The following BRINP3 variants were observed in gnomAD, a reference collection of about 807,000 sequenced individuals.
BRINP3 encodes BMP/retinoic acid inducible neural specific 3.
A neutral mutation model predicts 71.0 loss-of-function variants in BRINP3; 19 were observed. The ratio of observed to expected loss-of-function variants is 0.27; its 90% CI spans 0.19 to 0.39. The LOEUF (loss-of-function observed/expected upper bound fraction) is 0.39. BRINP3 is among the 10% of genes least tolerant of loss of function. BRINP3 has a pLI of 1.00. For synonymous variants in BRINP3, 380 were observed against 337.7 expected (o/e 1.13, Z -1.37); for missense variants, 959 against 940.8 (o/e 1.02, Z -0.25).
At chr1:190,298,403 T>G (rs1219770296) in intron 2 of BRINP3, among the ~76,000 whole-genome samples, 1 of 152,092 alleles carries the variant, frequency 6.6e-6, no homozygotes, top group African/African-American at 2.4e-5. Flanking sequence ...TTAAAGATCT[T>G]TGAGGAGGGA....
chr1:190,105,339 T>G (rs1652059984), intron 7 of BRINP3, among the ~76,000 whole-genome samples: 1 of 152,058 alleles, frequency 6.6e-6, no homozygotes, highest in African/African-American at 2.4e-5. Context: ...CTAAATTCAA[T>G]TATCTACTAA....
chr1:190,150,028 C>G (rs1049945482), intron 7 of BRINP3, among the ~76,000 whole-genome samples: 1 of 152,050 alleles, frequency 6.6e-6, no homozygotes, highest in African/African-American at 2.4e-5. Flanking sequence ...CTTGTGTGGG[C>G]TGCCTAAAAT....
intron 2 of BRINP3, among the ~76,000 whole-genome samples, chr1:190,446,209 T>C (rs1224496273): frequency 1.3e-5 from 2 of 152,210 alleles, no homozygotes; most frequent in Admixed American, 1.3e-4. Flanking sequence ...TATTATATGG[T>C]TTAATCTCAA....
chr1:190,202,052 C>T (rs1314292889), intron 6 of BRINP3, among the ~76,000 whole-genome samples: 9 of 152,178 alleles, frequency 5.9e-5, no homozygotes, highest in Admixed American at 1.3e-4. Flanking sequence ...TGACAGCTTG[C>T]ACCATATGCC....
At chr1:190,404,533 G>A (rs544117312) in intron 2 of BRINP3, among the ~76,000 whole-genome samples, 38 of 152,250 alleles carry the variant, frequency 2.5e-4, no homozygotes, top group African/African-American at 8.7e-4. Context: ...CAGCAACGAA[G>A]ACAGAATAAC....
At chr1:190,204,942 A>G (rs1655362952) in intron 6 of BRINP3, among the ~76,000 whole-genome samples, 1 of 151,844 alleles carries the variant, frequency 6.6e-6, no homozygotes, top group African/African-American at 2.4e-5. Flanking sequence ...GAAGAAGAAT[A>G]AATTTCCTCT....
At chr1:190,339,705 A>C (rs1402488363) in intron 2 of BRINP3, among the ~76,000 whole-genome samples, 1 of 151,876 alleles carries the variant, frequency 6.6e-6, no homozygotes, top group Non-Finnish European at 1.5e-5. Flanking sequence ...TATTAAAACA[A>C]GCCAAACCCT....
intron 1 of BRINP3, among the ~76,000 whole-genome samples, chr1:190,461,978 G>T (rs1428041300): frequency 1.3e-5 from 2 of 151,966 alleles, no homozygotes; most frequent in Non-Finnish European, 2.9e-5. Context: ...GCAGTGGCTC[G>T]ATCTCAGTCG....
intron 4 of BRINP3, among the ~76,000 whole-genome samples, chr1:190,240,546 G>A (rs745357511): frequency 7.9e-5 from 12 of 151,986 alleles, no homozygotes; most frequent in Non-Finnish European, 1.8e-4. Context: ...CTGAGGAGTA[G>A]ATAGATATAT....
chr1:190,264,763 A>T, intron 4 of BRINP3, 102 bp downstream of exon 4: 1 of 818,868 alleles, frequency 1.2e-6, no homozygotes, highest in Non-Finnish European at 1.8e-6. Flanking sequence ...TTATAAAATA[A>T]TTGTTTAAAT....
chr1:190,322,653 A>G lies in BRINP3; in HGVS notation c.237-40903T>C, dbSNP rs143233646. Among the ~76,000 whole-genome samples the G allele has an allele frequency of 1.8e-3, 272 of 152,178 alleles. 2 individuals are homozygous for G. The highest frequency in any genetic ancestry group is 6.3e-3 in the African/African-American group (262 of 41,534). On this transcript the variant is annotated intron_variant, in intron 2 of 7. Coordinates refer to ENST00000367462, the MANE Select transcript of BRINP3 (RefSeq NM_199051.3). ...AAATGGTTTGACAAACCCTTGCCAA[A>G]GCCAACATGTCAATCTTCCCAACAT...
At chr1:190,429,157 C>G (rs192062509) in intron 2 of BRINP3, among the ~76,000 whole-genome samples, 4 of 152,130 alleles carry the variant, frequency 2.6e-5, no homozygotes, top group Admixed American at 2.0e-4. Context: ...TTTATAAAGC[C>G]ATTGGAAGCA....
intron 6 of BRINP3, among the ~76,000 whole-genome samples, chr1:190,221,811 A>G (rs1334671565): frequency 6.6e-6 from 1 of 152,148 alleles, no homozygotes; most frequent in African/African-American, 2.4e-5. Context: ...ATTTAAAAAG[A>G]CATAGGAGGT....
chr1:190,367,022 C>T (rs1043527489), intron 2 of BRINP3, among the ~76,000 whole-genome samples: 36 of 152,258 alleles, frequency 2.4e-4, no homozygotes, highest in African/African-American at 7.5e-4. Flanking sequence ...GTGGAGCTAC[C>T]ATTCTGGCAT....
chr1:190,266,659 G>A (rs1284144623), intron 3 of BRINP3, among the ~76,000 whole-genome samples: 1 of 152,072 alleles, frequency 6.6e-6, no homozygotes. Context: ...AAGATCAACA[G>A]GTGAGGAAAT....
At chr1:190,393,640 T>C (rs1671394378) in intron 2 of BRINP3, among the ~76,000 whole-genome samples, 1 of 151,664 alleles carries the variant, frequency 6.6e-6, no homozygotes, top group South Asian at 2.1e-4. Context: ...TTTAATTGGC[T>C]AGTAAAATCA....
intron 2 of BRINP3, among the ~76,000 whole-genome samples, chr1:190,356,409 G>A (rs1230430907): frequency 6.6e-6 from 1 of 151,942 alleles, no homozygotes; most frequent in Non-Finnish European, 1.5e-5. Context: ...TTTCCATTCA[G>A]GCTCTGTGAG....
intron 2 of BRINP3, among the ~76,000 whole-genome samples, chr1:190,291,807 A>T (rs10800940): frequency 0.017 from 2,610 of 152,296 alleles, 76 homozygotes; most frequent in African/African-American, 0.059. Flanking sequence ...CACTGGGTAT[A>T]TATACGTATT....
intron 2 of BRINP3, among the ~76,000 whole-genome samples, chr1:190,336,141 G>T (rs1430112612): frequency 6.6e-6 from 1 of 151,936 alleles, no homozygotes; most frequent in Non-Finnish European, 1.5e-5. Context: ...ACAGTCACTG[G>T]TTCCATCACT....
Sources: gnomAD v4.1 joint callset for allele counts (sites outside exome capture counted in the v4.1 genomes callset) on GRCh38, gnomAD v4.1.1 for gene constraint, MANE v1.5 for transcripts, NCBI Gene and HGNC (gene_info 2026-07-23, HGNC 2026-07-21) for gene names.